PCDH7: variants seen among roughly 807,000 people sequenced by gnomAD.
PCDH7 encodes the protein protocadherin 7.
In PCDH7, 17 loss-of-function variants were observed where a neutral mutation model predicts 58.9. The ratio of observed to expected loss-of-function variants is 0.29; its 90% CI spans 0.20 to 0.43. PCDH7 has a LOEUF of 0.43. Among genes scored for constraint, PCDH7 ranks in the 20% least tolerant of loss-of-function variants. The probability of loss-of-function intolerance (pLI) is 1.00; values close to 1 mark genes in which losing one functional copy is unlikely to be tolerated. For synonymous variants in PCDH7, 664 were observed against 616.4 expected, an observed-to-expected ratio of 1.08 and a Z score of -1.14; for missense variants, 1,274 against 1,441.0, an observed-to-expected ratio of 0.88 and a Z score of 1.88.
At chr4:31,030,346 A>G (rs971171332) in intron 3 of PCDH7, among the ~76,000 whole-genome samples, 12 of 152,276 alleles carry the variant, frequency 7.9e-5, no homozygotes, top group Admixed American at 7.2e-4. Context: ...AATAATGGAG[A>G]AAGACATGTA....
intron 3 of PCDH7, among the ~76,000 whole-genome samples, chr4:30,964,984 T>C (rs1748870296): frequency 6.6e-6 from 1 of 152,216 alleles, no homozygotes; most frequent in East Asian, 1.9e-4. Flanking sequence ...TAATTCATAT[T>C]TTATGCCATG....
At chr4:30,972,268 A>G (rs1252397557) in intron 3 of PCDH7, among the ~76,000 whole-genome samples, 1 of 152,192 alleles carries the variant, frequency 6.6e-6, no homozygotes, top group African/African-American at 2.4e-5. Context: ...TGTTATGAAA[A>G]TTTAACATAG....
chr4:30,822,923 A>G (rs1018102590), intron 1 of PCDH7, among the ~76,000 whole-genome samples: 2 of 152,166 alleles, frequency 1.3e-5, no homozygotes, highest in Admixed American at 6.6e-5. Flanking sequence ...CTTCATTTGC[A>G]GCGTTTTGCG....
At chr4:31,060,884 C>G (rs1757638355) in intron 3 of PCDH7, among the ~76,000 whole-genome samples, 1 of 151,618 alleles carries the variant, frequency 6.6e-6, no homozygotes, top group Non-Finnish European at 1.5e-5. Flanking sequence ...ACATAACATG[C>G]ATCTATTTTT....
At chr4:31,027,545 C>T (rs2109179998) in intron 3 of PCDH7, among the ~76,000 whole-genome samples, 2 of 152,182 alleles carry the variant, frequency 1.3e-5, no homozygotes, top group African/African-American at 4.8e-5. Flanking sequence ...GCCTCAACCT[C>T]CTGAGTAGCT....
At chr4:30,735,353 G>A (rs1052949441), downstream of PCDH7, among the ~76,000 whole-genome samples, 3 of 152,064 alleles carry the variant, frequency 2.0e-5, no homozygotes, top group Non-Finnish European at 2.9e-5. Flanking sequence ...ATGTTTAAAG[G>A]TGAGGCGGGG....
intron 3 of PCDH7, among the ~76,000 whole-genome samples, chr4:30,964,852 T>G (rs1748857896): frequency 1.3e-5 from 2 of 152,226 alleles, no homozygotes; most frequent in South Asian, 4.1e-4. Context: ...GTTTTTTGTA[T>G]GCTGTTCTTA....
At chr4:30,765,143 T>C (rs1462351363) in intron 1 of PCDH7, among the ~76,000 whole-genome samples, 1 of 144,528 alleles carries the variant, frequency 6.9e-6, no homozygotes, top group Non-Finnish European at 1.5e-5. Flanking sequence ...TTTTTTTTTT[T>C]TTTTTTTTAA....
At chr4:31,035,427 T>C (rs561435125) in intron 3 of PCDH7, among the ~76,000 whole-genome samples, 1 of 152,172 alleles carries the variant, frequency 6.6e-6, no homozygotes, top group Admixed American at 6.5e-5. Flanking sequence ...CTAATTTTTG[T>C]ATTTTTAGTA....
chr4:30,879,421 G>T (rs1332381178), intron 1 of PCDH7, among the ~76,000 whole-genome samples: 2 of 152,002 alleles, frequency 1.3e-5, no homozygotes, highest in African/African-American at 4.8e-5. Flanking sequence ...TTAGAACCGT[G>T]ATCACACAAG....
At chr4:30,731,471 G>C (rs906234326) in exon 2 of PCDH7, 1 of 151,714 alleles carries the variant, frequency 6.6e-6, no homozygotes, top group Non-Finnish European at 1.5e-5. Flanking sequence ...GTAATGGATT[G>C]ATTTTTTTCT....
intron 1 of PCDH7, among the ~76,000 whole-genome samples, chr4:30,828,822 T>G (rs1463632373): frequency 6.6e-6 from 1 of 152,048 alleles, no homozygotes; most frequent in African/African-American, 2.4e-5. Flanking sequence ...TGCCTTTACC[T>G]TGGCCCTGAG....
intron 3 of PCDH7, among the ~76,000 whole-genome samples, chr4:30,966,208 G>A (rs1054041178): frequency 1.3e-5 from 2 of 152,120 alleles, no homozygotes; most frequent in Non-Finnish European, 2.9e-5. Flanking sequence ...TCTCCAATCA[G>A]CATATATTAT....
intron 3 of PCDH7, among the ~76,000 whole-genome samples, chr4:30,964,658 G>A (rs1305228910): frequency 6.7e-6 from 1 of 149,180 alleles, no homozygotes; most frequent in Non-Finnish European, 1.5e-5. Context: ...AATAGTAGCA[G>A]CAGATGTACA....
chr4:30,997,586 T>G (rs1406611775), intron 3 of PCDH7, among the ~76,000 whole-genome samples: 7 of 152,156 alleles, frequency 4.6e-5, no homozygotes, highest in Non-Finnish European at 1.0e-4. Flanking sequence ...AAGATGGTGA[T>G]TTAAATTACA....
chr4:30,822,963 A>T lies in PCDH7; in HGVS notation c.71-97190A>T, dbSNP rs562307021. 8.1e-4 allele frequency among the ~76,000 whole-genome samples: 123 copies of T among 152,286 alleles called. 1 individual carries two copies. The South Asian group carries it at 0.025, about 31-fold the overall frequency. ...ATATGTGAGTAAGAACGGGAAAAAA[A>T]GTAAGCATTAAATAGCAAAGATAAA... On this transcript the variant is annotated intron_variant, in intron 1 of 3. Transcript: ENST00000509759.
chr4:31,114,515 A>T, intron 3 of PCDH7, among the ~76,000 whole-genome samples: 1 of 152,108 alleles, frequency 6.6e-6, no homozygotes, highest in Admixed American at 6.6e-5. Context: ...GTAATACAAA[A>T]TTGGGCTTGT....
intron 3 of PCDH7, among the ~76,000 whole-genome samples, chr4:31,085,253 AT>A (rs1712245933): frequency 6.6e-6 from 1 of 151,876 alleles, no homozygotes; most frequent in African/African-American, 2.4e-5. Flanking sequence ...TGGCCAGTTT[AT>A]TGATTTGGGT....
At chr4:30,934,768 G>T (rs957129075) in intron 2 of PCDH7, among the ~76,000 whole-genome samples, 1 of 152,036 alleles carries the variant, frequency 6.6e-6, no homozygotes, top group East Asian at 1.9e-4. Flanking sequence ...GTTTTAAAAA[G>T]TCCTTCTTAA....
Sources: allele counts gnomAD v4.1 joint callset (sites outside exome capture counted in the v4.1 genomes callset), GRCh38; gene constraint gnomAD v4.1.1; transcripts MANE v1.5; gene names NCBI Gene and HGNC (gene_info 2026-07-23, HGNC 2026-07-21).